The following ROBO2 variants were observed in gnomAD, a reference collection of about 807,000 sequenced individuals.
The protein encoded by ROBO2 is roundabout homolog 2.
In ROBO2, 53 loss-of-function variants were observed where a neutral mutation model predicts 160.8. The ratio of observed to expected loss-of-function variants is 0.33; its 90% CI spans 0.26 to 0.41. The LOEUF (loss-of-function observed/expected upper bound fraction) is 0.41. Ranked by LOEUF, ROBO2 falls within the 10% of genes least tolerant of loss-of-function variation. ROBO2 has a pLI of 1.00. For synonymous variants in ROBO2, 664 were observed against 611.7 expected (o/e 1.09, Z -1.26); for missense variants, 1,577 against 1,722.4 (o/e 0.92, Z 1.49).
intron 2 of ROBO2, among the ~76,000 whole-genome samples, chr3:77,295,102 T>G (rs1345019713): frequency 3.3e-5 from 5 of 150,626 alleles, no homozygotes; most frequent in African/African-American, 1.2e-4. Flanking sequence ...AATTTGACGG[T>G]TAAAAAGGTA....
At chr3:77,406,957 A>G (rs2076301703) in intron 2 of ROBO2, among the ~76,000 whole-genome samples, 2 of 152,110 alleles carry the variant, frequency 1.3e-5, no homozygotes, top group Admixed American at 1.3e-4. Context: ...TTTATGAGCA[A>G]AGACAGGAGA....
intron 2 of ROBO2, among the ~76,000 whole-genome samples, chr3:76,504,120 G>T (rs2080638090): frequency 1.3e-5 from 2 of 152,056 alleles, no homozygotes; most frequent in African/African-American, 4.8e-5. Context: ...TAAATTATGG[G>T]TGGCACAGTA....
At chr3:77,397,935 C>T (rs1287568639) in intron 2 of ROBO2, among the ~76,000 whole-genome samples, 6 of 151,928 alleles carry the variant, frequency 3.9e-5, no homozygotes, top group African/African-American at 1.2e-4. Flanking sequence ...AAAGAAGAGA[C>T]ATAAAAATAA....
At chr3:77,061,983 C>A (rs910145846) in intron 1 of ROBO2, among the ~76,000 whole-genome samples, 1 of 151,944 alleles carries the variant, frequency 6.6e-6, no homozygotes, top group African/African-American at 2.4e-5. Flanking sequence ...AGCAGGTAAA[C>A]CAGTGAAAAC....
At chr3:77,486,591 T>C (rs1392839436) in intron 4 of ROBO2, among the ~76,000 whole-genome samples, 1 of 152,198 alleles carries the variant, frequency 6.6e-6, no homozygotes, top group Non-Finnish European at 1.5e-5. Flanking sequence ...TTCAGGCTCT[T>C]TGCCCACTTT....
At chr3:76,128,650 T>C (rs2106649343) in intron 2 of ROBO2, among the ~76,000 whole-genome samples, 1 of 152,110 alleles carries the variant, frequency 6.6e-6, no homozygotes, top group Admixed American at 6.5e-5. Context: ...TTCATATGAA[T>C]TCTCTGGAAG....
chr3:76,645,737 A>G (rs1274582752), intron 2 of ROBO2, among the ~76,000 whole-genome samples: 2 of 152,202 alleles, frequency 1.3e-5, no homozygotes, highest in African/African-American at 4.8e-5. Flanking sequence ...GGGTAAAAGA[A>G]TGAGAAAATT....
chr3:76,094,690 A>T (rs1274807976), intron 2 of ROBO2, among the ~76,000 whole-genome samples: 1 of 152,360 alleles, frequency 6.6e-6, no homozygotes, highest in Non-Finnish European at 1.5e-5. Context: ...AGGAGAATTC[A>T]TTCTTCCTCT....
intron 2 of ROBO2, among the ~76,000 whole-genome samples, chr3:75,988,780 A>G (rs1475598858): frequency 6.6e-6 from 1 of 151,830 alleles, no homozygotes; most frequent in Non-Finnish European, 1.5e-5. Context: ...AAAAACTGAA[A>G]TTTTCAAGTT....
chr3:76,246,473 A>G (rs894973601), intron 2 of ROBO2, among the ~76,000 whole-genome samples: 7 of 152,176 alleles, frequency 4.6e-5, no homozygotes, highest in Admixed American at 2.0e-4. Flanking sequence ...TTTCTGGTTT[A>G]CAACTTTTTC....
At chr3:76,569,551 A>G (rs2108585301) in intron 2 of ROBO2, among the ~76,000 whole-genome samples, 1 of 152,268 alleles carries the variant, frequency 6.6e-6, no homozygotes, top group South Asian at 2.1e-4. Context: ...GTTTTACTAT[A>G]TATGGAGGTA....
At chr3:76,381,748 A>G (rs1340190506) in intron 2 of ROBO2, among the ~76,000 whole-genome samples, 2 of 152,180 alleles carry the variant, frequency 1.3e-5, no homozygotes, top group Non-Finnish European at 2.9e-5. Flanking sequence ...TTTCACAACA[A>G]TAAGGCATGT....
intron 2 of ROBO2, among the ~76,000 whole-genome samples, chr3:76,445,231 C>T (rs1037285037): frequency 2.6e-5 from 4 of 151,936 alleles, no homozygotes; most frequent in Non-Finnish European, 5.9e-5. Context: ...TATAATTGTA[C>T]AGGGAAGTGC....
At chr3:76,126,094 G>A (rs143040566) in intron 2 of ROBO2, among the ~76,000 whole-genome samples, 3,596 of 152,196 alleles carry the variant, frequency 0.024, 151 homozygotes, top group African/African-American at 0.082. Flanking sequence ...GATTACAGGC[G>A]TGAGCCACTG....
chr3:76,022,994 T>C (rs1441280850), intron 2 of ROBO2, among the ~76,000 whole-genome samples: 1 of 151,840 alleles, frequency 6.6e-6, no homozygotes, highest in African/African-American at 2.4e-5. Flanking sequence ...GATTATGTGC[T>C]AAAGCTTCTA....
intron 2 of ROBO2, among the ~76,000 whole-genome samples, chr3:76,773,595 A>T (rs1295124631): frequency 6.6e-6 from 1 of 150,646 alleles, no homozygotes; most frequent in African/African-American, 2.4e-5. Context: ...TTAATTTTGC[A>T]GCATAGTAAA....
At chr3:76,779,232 G>T (rs1421781528) in intron 2 of ROBO2, among the ~76,000 whole-genome samples, 1 of 150,884 alleles carries the variant, frequency 6.6e-6, no homozygotes, top group East Asian at 2.0e-4. Flanking sequence ...ACAAAGTAAG[G>T]AGTTTGAGGA....
chr3:76,706,399 CA>C (rs2093164324), intron 2 of ROBO2, among the ~76,000 whole-genome samples: 1 of 151,938 alleles, frequency 6.6e-6, no homozygotes, highest in Non-Finnish European at 1.5e-5. Context: ...ACCCAAAATT[CA>C]AAAGTGAAAA....
At chr3:76,812,908 A>ATTTTTTTT (rs1560608290) in intron 2 of ROBO2, among the ~76,000 whole-genome samples, 3 of 117,596 alleles carry the variant, frequency 2.6e-5, no homozygotes, top group Non-Finnish European at 3.6e-5. Flanking sequence ...CAGAAGTATA[A>ATTTTTTTT]ATTTTTTTTT....
Sources: allele counts gnomAD v4.1 joint callset (sites outside exome capture counted in the v4.1 genomes callset), GRCh38; gene constraint gnomAD v4.1.1; transcripts MANE v1.5; gene names NCBI Gene and HGNC (gene_info 2026-07-23, HGNC 2026-07-21).